Variants in LRRC4C observed in about 807,000 individuals in gnomAD.
LRRC4C encodes the protein leucine rich repeat containing 4C, also known as leucine-rich repeat-containing protein 4C.
In LRRC4C, 5 loss-of-function variants were observed where a neutral mutation model predicts 33.6. That is an observed-to-expected ratio of 0.15 (90% CI 0.08 to 0.31). The LOEUF (loss-of-function observed/expected upper bound fraction) is 0.31. Ranked by LOEUF, LRRC4C falls within the 10% of genes least tolerant of loss-of-function variation. The pLI is 1.00. For missense variants in LRRC4C, 560 were observed against 796.7 expected (o/e 0.70, Z 3.58); for synonymous variants, 329 against 302.0 (o/e 1.09, Z -0.93).
chr11:40,588,800 G>A (rs375724328), intron 3 of LRRC4C, among the ~76,000 whole-genome samples: 7 of 152,178 alleles, frequency 4.6e-5, no homozygotes, highest in African/African-American at 1.2e-4. Context: ...AGTGAGATTC[G>A]TAATTCTGAG....
intron 3 of LRRC4C, among the ~76,000 whole-genome samples, chr11:40,496,867 A>C (rs1265620864): frequency 3.9e-5 from 6 of 152,262 alleles, no homozygotes; most frequent in Non-Finnish European, 8.8e-5. Context: ...AAGATTCTAA[A>C]AGTTCAGTTT....
At chr11:40,526,063 C>A (rs1164686411) in intron 3 of LRRC4C, among the ~76,000 whole-genome samples, 1 of 151,696 alleles carries the variant, frequency 6.6e-6, no homozygotes, top group East Asian at 1.9e-4. Context: ...AACCTTAATA[C>A]ATGCCTCTAA....
intron 1 of LRRC4C, among the ~76,000 whole-genome samples, chr11:41,046,993 C>G (rs1451769765): frequency 6.6e-6 from 1 of 151,784 alleles, no homozygotes; most frequent in African/African-American, 2.4e-5. Flanking sequence ...GCAGAAGAAA[C>G]CAAAGAAAAA....
At chr11:40,391,316 A>G (rs10501232) in intron 3 of LRRC4C, among the ~76,000 whole-genome samples, 9,351 of 152,190 alleles carry the variant, frequency 0.061, 932 homozygotes, top group African/African-American at 0.21. Context: ...AAAGCTCACC[A>G]GATTGATAAT....
At chr11:40,554,134 G>A (rs1192514304) in intron 3 of LRRC4C, among the ~76,000 whole-genome samples, 1 of 152,102 alleles carries the variant, frequency 6.6e-6, no homozygotes, top group African/African-American at 2.4e-5. Context: ...AGAAGTATGG[G>A]TCCAATTTCA....
intron 3 of LRRC4C, among the ~76,000 whole-genome samples, chr11:40,500,148 A>AT (rs1265097293): frequency 6.6e-6 from 1 of 151,944 alleles, no homozygotes; most frequent in East Asian, 1.9e-4. Flanking sequence ...ATAGGTACGT[A>AT]ACTGGGGATG....
chr11:41,292,340 A>G (rs1206047726), intron 1 of LRRC4C, among the ~76,000 whole-genome samples: 1 of 152,078 alleles, frequency 6.6e-6, no homozygotes, highest in Non-Finnish European at 1.5e-5. Flanking sequence ...CCTGGATCCT[A>G]GAATGAATGA....
chr11:41,352,545 G>A (rs987689381), intron 1 of LRRC4C, among the ~76,000 whole-genome samples: 2 of 151,968 alleles, frequency 1.3e-5, no homozygotes, highest in South Asian at 4.1e-4. Flanking sequence ...ATACAGAACA[G>A]TCAACTGAAC....
chr11:41,192,222 T>C (rs779115885), intron 1 of LRRC4C, among the ~76,000 whole-genome samples: 13 of 152,064 alleles, frequency 8.5e-5, no homozygotes, highest in Non-Finnish European at 1.8e-4. Context: ...TTCATTAAGG[T>C]CTTCTCATGC....
chr11:41,431,662 C>G (rs932083747), intron 1 of LRRC4C, among the ~76,000 whole-genome samples: 1 of 151,858 alleles, frequency 6.6e-6, no homozygotes, highest in Non-Finnish European at 1.5e-5. Context: ...TACACGTACA[C>G]ACACGCACAC....
At chr11:41,052,103 T>C (rs902386657) in intron 1 of LRRC4C, among the ~76,000 whole-genome samples, 2 of 152,114 alleles carry the variant, frequency 1.3e-5, no homozygotes, top group Admixed American at 1.3e-4. Context: ...CAAAACATAA[T>C]ACCTGAGCAC....
At chr11:40,882,408 C>G (rs1471894747) in intron 2 of LRRC4C, among the ~76,000 whole-genome samples, 5 of 152,104 alleles carry the variant, frequency 3.3e-5, no homozygotes, top group Non-Finnish European at 5.9e-5. Flanking sequence ...AACATATGGT[C>G]ACACTACCTA....
At chr11:40,363,411 G>A (rs1948056216) in intron 3 of LRRC4C, among the ~76,000 whole-genome samples, 1 of 152,152 alleles carries the variant, frequency 6.6e-6, no homozygotes, top group South Asian at 2.1e-4. Flanking sequence ...CTATTGGAGG[G>A]TGAAGGCTGG....
intron 1 of LRRC4C, among the ~76,000 whole-genome samples, chr11:41,045,608 T>C (rs999326143): frequency 6.6e-6 from 1 of 152,118 alleles, no homozygotes; most frequent in African/African-American, 2.4e-5. Flanking sequence ...CCGTGATGAA[T>C]TCACATAGCT....
intron 1 of LRRC4C, among the ~76,000 whole-genome samples, chr11:41,068,973 A>G (rs1217119654): frequency 6.6e-6 from 1 of 151,886 alleles, no homozygotes; most frequent in Non-Finnish European, 1.5e-5. Flanking sequence ...TCAAAAAAAG[A>G]AAACTCAGGC....
chr11:41,153,794 A>G (rs949350394), intron 1 of LRRC4C, among the ~76,000 whole-genome samples: 8 of 152,170 alleles, frequency 5.3e-5, no homozygotes, highest in Non-Finnish European at 1.0e-4. Flanking sequence ...ACTTGTAAAT[A>G]TTACCTCATT....
chr11:41,422,867 G>A (rs530319055), intron 1 of LRRC4C, among the ~76,000 whole-genome samples: 12 of 152,080 alleles, frequency 7.9e-5, no homozygotes, highest in African/African-American at 1.4e-4. Context: ...CAGCAGAGAC[G>A]CACTGAATTA....
At chr11:40,612,691 G>A (rs1007443993) in intron 3 of LRRC4C, among the ~76,000 whole-genome samples, 11 of 151,796 alleles carry the variant, frequency 7.2e-5, no homozygotes, top group African/African-American at 2.7e-4. Flanking sequence ...CTATCCATAT[G>A]CACATACACA....
At chr11:41,252,421 T>G (rs569683319) in intron 1 of LRRC4C, among the ~76,000 whole-genome samples, 1 of 151,656 alleles carries the variant, frequency 6.6e-6, no homozygotes, top group Non-Finnish European at 1.5e-5. Context: ...CCCAAAGGAG[T>G]AGAGAAAGAG....
Sources: gnomAD v4.1 joint callset for allele counts (sites outside exome capture counted in the v4.1 genomes callset) on GRCh38, gnomAD v4.1.1 for gene constraint, MANE v1.5 for transcripts, NCBI Gene and HGNC (gene_info 2026-07-23, HGNC 2026-07-21) for gene names.